Variants in CA1 observed in about 807,000 individuals in gnomAD.
CA1 encodes carbonate dehydratase I.
Under a neutral mutation model 28.8 loss-of-function variants are expected in CA1, and 27 were observed. The ratio of observed to expected loss-of-function variants is 0.94; its 90% CI spans 0.69 to 1.29. CA1 has a LOEUF of 1.29. Among genes scored for constraint, CA1 ranks in the 50% most tolerant of loss-of-function variants. The pLI is 0.00. For synonymous variants in CA1, 121 were observed against 108.8 expected, an observed-to-expected ratio of 1.11 and a Z score of -0.70; for missense variants, 335 against 310.5, an observed-to-expected ratio of 1.08 and a Z score of -0.59.
intron 1 of CA1, among the ~76,000 whole-genome samples, chr8:85,372,725 C>T (rs1374630682): frequency 3.3e-5 from 5 of 152,136 alleles, no homozygotes; most frequent in Non-Finnish European, 5.9e-5. Context: ...ATAAACAATA[C>T]GTTTTCAATT....
chr8:85,374,921 T>C (rs544203102), intron 1 of CA1, among the ~76,000 whole-genome samples: 1 of 152,220 alleles, frequency 6.6e-6, no homozygotes, highest in South Asian at 2.1e-4. Flanking sequence ...CTTTCCCCAT[T>C]TGGGTCTCAA....
At chr8:85,359,444 A>T (rs898612163) in intron 1 of CA1, among the ~76,000 whole-genome samples, 1 of 152,214 alleles carries the variant, frequency 6.6e-6, no homozygotes, top group Non-Finnish European at 1.5e-5. Flanking sequence ...AGTCCTAGGG[A>T]AATTCAAGTA....
At chr8:85,358,612 A>G (rs1274061009) in intron 1 of CA1, among the ~76,000 whole-genome samples, 1 of 152,208 alleles carries the variant, frequency 6.6e-6, no homozygotes, top group Non-Finnish European at 1.5e-5. Context: ...TGTTGATGCT[A>G]ATGGCCTCCA....
In CA1 at chr8:85,328,039, A is replaced by G. The variant is rs1244550514; in HGVS notation, c.*521T>C. 1 of 153,602 alleles carries G rather than the reference A, an allele frequency of 6.5e-6. No homozygotes were observed. The highest frequency in any genetic ancestry group is 1.4e-5 in the Non-Finnish European group (1 of 69,098). The allele number at this position is 153,602 out of a possible 1,614,324, so 9.5% of individuals were successfully genotyped here. On this transcript the variant is annotated 3_prime_UTR_variant, in exon 8 of 8. Transcript: ENST00000523022. ...TGTTGGGCCAGCATAACGATATTAAATCCAGTGGTCATCTCAGCTATATTT... is the reference window on the plus strand; with the variant it reads ...TGTTGGGCCAGCATAACGATATTAAGTCCAGTGGTCATCTCAGCTATATTT...
intron 1 of CA1, among the ~76,000 whole-genome samples, chr8:85,370,858 A>G (rs370734085): frequency 9.6e-4 from 147 of 152,344 alleles, no homozygotes; most frequent in South Asian, 1.9e-3. Flanking sequence ...AGGTTAAAAT[A>G]TAATTTGCCA....
At chr8:85,373,134 G>A (rs571218552) in intron 1 of CA1, among the ~76,000 whole-genome samples, 4 of 152,318 alleles carry the variant, frequency 2.6e-5, no homozygotes, top group African/African-American at 9.6e-5. Flanking sequence ...AAAGAAATTC[G>A]TGCTAGTGTT....
intron 1 of CA1, among the ~76,000 whole-genome samples, chr8:85,352,208 A>G (rs1351094845): frequency 6.6e-6 from 1 of 152,186 alleles, no homozygotes; most frequent in Non-Finnish European, 1.5e-5. Context: ...TTTGAACTCA[A>G]TGATCCATGG....
chr8:85,328,606 C>T lies in CA1; in HGVS notation c.740G>A (p.Arg247His), dbSNP rs121909578. ...DNAVPMQHNNRPTQPLKGRTV... is the reference protein window; with the variant it reads ...DNAVPMQHNNHPTQPLKGRTV... ...TCTGCCCTTCAGAGGTTGGGTTGGG[C>T]GGTTGTTGTGCTGCATGGGGACAGC... The change falls in exon 8 of 8, where the codon CGC (arginine) becomes CAC (histidine). Residue 247 changes from arginine (R) to histidine (H), a missense_variant. Coordinates refer to ENST00000523022, the MANE Select transcript of CA1 (RefSeq NM_001128831.4). 14 of 1,611,696 alleles carry T rather than the reference C, an allele frequency of 8.7e-6. No homozygotes were observed. The highest frequency in any genetic ancestry group is 2.2e-5 in the East Asian group (1 of 44,816).
At chr8:85,331,248 T>C (rs1038362018) in intron 6 of CA1, among the ~76,000 whole-genome samples, 3 of 152,224 alleles carry the variant, frequency 2.0e-5, no homozygotes, top group Non-Finnish European at 4.4e-5. Context: ...CATAATGTTA[T>C]AAAAAATTTT....
chr8:85,334,742 C>T (rs1585917606), intron 4 of CA1, among the ~76,000 whole-genome samples: 2 of 151,994 alleles, frequency 1.3e-5, no homozygotes, highest in East Asian at 3.9e-4. Context: ...CCTGTAATTC[C>T]AGCACTTTGG....
intron 6 of CA1, among the ~76,000 whole-genome samples, chr8:85,332,077 A>G (rs1037181674): frequency 2.6e-5 from 4 of 152,198 alleles, no homozygotes; most frequent in Non-Finnish European, 5.9e-5. Flanking sequence ...TGAGTTGACA[A>G]GAGTTATGGT....
At chr8:85,332,639 A>T in intron 5 of CA1, 87 bp from the exon 6 acceptor site, 1 of 938,270 alleles carries the variant, frequency 1.1e-6, no homozygotes, top group Admixed American at 1.8e-5. Flanking sequence ...TTTTCAATTA[A>T]CAACTGACAA....
intron 1 of CA1, among the ~76,000 whole-genome samples, chr8:85,368,909 C>T (rs1810114295): frequency 6.6e-6 from 1 of 152,040 alleles, no homozygotes; most frequent in Admixed American, 6.6e-5. Context: ...TGAAGCAGTA[C>T]CAAGCCTCTG....
At chr8:85,356,883 T>C (rs1303749480) in intron 1 of CA1, among the ~76,000 whole-genome samples, 2 of 152,180 alleles carry the variant, frequency 1.3e-5, no homozygotes, top group Non-Finnish European at 2.9e-5. Context: ...CTTTGTGAGC[T>C]CTAAAACCAT....
rs1434122668 is a variant in CA1 at position 85,328,636 on chromosome 8, T to A, written c.710A>T (p.Asp237Val). The change falls in exon 8 of 8, where the codon GAT becomes GTT. Residue 237 changes from aspartate to valine, a missense_variant. Physicochemically the swap from Asp to Val is radical, Grantham distance 152 (BLOSUM62 -3). Transcript: ENST00000523022. ...FRSLLSNVEG[D>V]NAVPMQHNNR... ...GTTGTGCTGCATGGGGACAGCGTTA[T>A]CACCTTCAACATTTGATAGAAGGCT... 1.2e-5 allele frequency: 20 copies of A among 1,610,996 alleles called. No individual in the cohort carries two copies. The highest frequency in any genetic ancestry group is 1.5e-5 in the Non-Finnish European group (18 of 1,177,976).
rs553956284 is a variant in CA1, at chr8:85,360,058, G to A, written c.-25+17988C>T. ...AAAGCAAGCTATGGACATATAGAAA[G>A]AACGGTTCAAGTCCCATTGAATCTT... On this transcript the variant is annotated intron_variant, in intron 1 of 7. Transcript: ENST00000523022. Among the ~76,000 whole-genome samples, 6 of 152,318 alleles carry A rather than the reference G, an allele frequency of 3.9e-5. No individual in the cohort carries two copies. The South Asian group carries it at 1.2e-3, about 32-fold the overall frequency.
Position 85,338,290 on chromosome 8 carries a change from G to C in CA1, c.197C>G (p.Ser66Cys). 1 of 1,613,960 alleles carries C rather than the reference G, an allele frequency of 6.2e-7. No individual in the cohort carries two copies. Among genetic ancestry groups the C allele is most frequent in the Non-Finnish European group, 8.5e-7 (1 of 1,179,874 alleles). Residue 66 changes from serine to cysteine, a missense_variant, in exon 3 of 8, where the codon TCC becomes TGC. By Grantham distance (112) the Ser-to-Cys change is moderately radical. Transcript: ENST00000523022. ...GTTGTCCTCAAAATTTACATGGAAG[G>C]AATGCCCCACATTGATAATTTCTTT... ...TAKEIINVGH[S>C]FHVNFEDNDN... is the part of the protein sequence containing the mutation.
chr8:85,330,969 A>T (rs1273732909), intron 6 of CA1, among the ~76,000 whole-genome samples: 1 of 152,172 alleles, frequency 6.6e-6, no homozygotes, highest in East Asian at 1.9e-4. Context: ...ATCAGATTCC[A>T]TTAAATTGAT....
intron 1 of CA1, among the ~76,000 whole-genome samples, chr8:85,350,470 T>C (rs1809366051): frequency 6.6e-6 from 1 of 152,206 alleles, no homozygotes; most frequent in South Asian, 2.1e-4. Flanking sequence ...GGCCCTGTGA[T>C]GGAGTTCCTT....
Sources: gnomAD v4.1 joint callset for allele counts (sites outside exome capture counted in the v4.1 genomes callset) on GRCh38, gnomAD v4.1.1 for gene constraint, MANE v1.5 for transcripts, NCBI Gene and HGNC (gene_info 2026-07-23, HGNC 2026-07-21) for gene names.